The following PAK5 variants were observed in gnomAD, a reference collection of about 807,000 sequenced individuals.
PAK5 encodes the protein p21 (RAC1) activated kinase 5, also known as serine/threonine-protein kinase PAK 5.
Under a neutral mutation model 65.9 loss-of-function variants are expected in PAK5, and 16 were observed. That is an observed-to-expected ratio of 0.24 (90% CI 0.16 to 0.37). The LOEUF (loss-of-function observed/expected upper bound fraction) is 0.37. PAK5 is among the 10% of genes least tolerant of loss of function. The pLI is 1.00. For missense variants in PAK5, 785 were observed against 903.9 expected (o/e 0.87, Z 1.69); for synonymous variants, 371 against 354.9 (o/e 1.05, Z -0.51).
At chr20:9,704,137 A>G (rs2047975967) in intron 2 of PAK5, among the ~76,000 whole-genome samples, 1 of 152,104 alleles carries the variant, frequency 6.6e-6, no homozygotes, top group Admixed American at 6.5e-5. Context: ...GAAACAGAAG[A>G]TTTTACAAAG....
At chr20:9,772,914 C>G (rs1049260317) in intron 1 of PAK5, among the ~76,000 whole-genome samples, 1 of 152,154 alleles carries the variant, frequency 6.6e-6, no homozygotes, top group African/African-American at 2.4e-5. Context: ...GAAAAATATT[C>G]CAACTTCCTC....
At chr20:9,723,036 T>C (rs968331430) in intron 1 of PAK5, among the ~76,000 whole-genome samples, 2 of 152,110 alleles carry the variant, frequency 1.3e-5, no homozygotes, top group African/African-American at 2.4e-5. Flanking sequence ...CTGGTGTCTG[T>C]TGGAAGATTT....
chr20:9,556,167 T>C (rs2045503055), intron 7 of PAK5, among the ~76,000 whole-genome samples: 1 of 152,212 alleles, frequency 6.6e-6, no homozygotes, highest in Non-Finnish European at 1.5e-5. Flanking sequence ...GTACCGTTCT[T>C]TCTTAAGAGA....
At position 9,545,187 on chromosome 20, in the gene PAK5, G is replaced by A. The variant is rs150260818; in HGVS notation, c.1744-693C>T. Among the ~76,000 whole-genome samples, 6 of 152,242 alleles carry A rather than the reference G, an allele frequency of 3.9e-5. No individual in the cohort carries two copies. In the East Asian group the frequency reaches 1.2e-3, roughly 29 times the overall value. ...TTAAGGTGGTCATCCTAAGGGCTCA[G>A]TGTATATACATGTTATTTACCTTAG... is the stretch of plus-strand genomic sequence containing the variant. On this transcript the variant is annotated intron_variant, in intron 7 of 9. Transcript: ENST00000353224.
At chr20:9,661,621 T>A (rs8124197) in intron 2 of PAK5, among the ~76,000 whole-genome samples, 1 of 151,914 alleles carries the variant, frequency 6.6e-6, no homozygotes, top group Non-Finnish European at 1.5e-5. Flanking sequence ...CCACCTCTCA[T>A]AACTGGTCTT....
chr20:9,782,914 C>CTCTT (rs1209190147), intron 1 of PAK5, among the ~76,000 whole-genome samples: 6 of 149,542 alleles, frequency 4.0e-5, no homozygotes, highest in Non-Finnish European at 8.9e-5. Context: ...TTTCTTTTTT[C>CTCTT]TCTTTCTTTC....
At position 9,764,451 on chromosome 20, in the gene PAK5, CT is replaced by C. The variant is rs34052488; in HGVS notation, c.-161-53017del. Among the ~76,000 whole-genome samples the C allele has an allele frequency of 3.8e-3, 581 of 152,282 alleles. 3 individuals carry two copies. The highest frequency in any genetic ancestry group is 0.013 in the African/African-American group (544 of 41,568). ...CCAAATCTCTCCATTTTAATGCTAC[CT>C]TTTCCCCTTTGTAAGTAATAAATGT... On this transcript the variant is annotated intron_variant, in intron 1 of 9. Transcript: ENST00000353224.
intron 3 of PAK5, among the ~76,000 whole-genome samples, chr20:9,596,019 A>G (rs2046257543): frequency 6.6e-6 from 1 of 152,136 alleles, no homozygotes; most frequent in Non-Finnish European, 1.5e-5. Context: ...CTTGGCCTTC[A>G]CTGTTGAACT....
chr20:9,823,884 T>C (rs2049453796), intron 1 of PAK5, among the ~76,000 whole-genome samples: 1 of 149,226 alleles, frequency 6.7e-6, no homozygotes, highest in Non-Finnish European at 1.5e-5. Context: ...GAAAATACTT[T>C]TTACCTTTTT....
intron 3 of PAK5, among the ~76,000 whole-genome samples, chr20:9,635,021 A>G (rs1174212907): frequency 1.3e-5 from 2 of 152,198 alleles, no homozygotes; most frequent in African/African-American, 4.8e-5. Flanking sequence ...GTTCTTCTGA[A>G]GTGGCATTTT....
At chr20:9,736,516 C>T (rs112588831) in intron 1 of PAK5, among the ~76,000 whole-genome samples, 3,705 of 152,256 alleles carry the variant, frequency 0.024, 78 homozygotes, top group Non-Finnish European at 0.036. Context: ...TAAGTGACCT[C>T]AAGCCCAGTC....
intron 2 of PAK5, among the ~76,000 whole-genome samples, chr20:9,672,519 TA>T (rs1415628941): frequency 6.6e-6 from 1 of 151,694 alleles, no homozygotes; most frequent in Non-Finnish European, 1.5e-5. Flanking sequence ...CATGGTTTTA[TA>T]AAGGGGAGTT....
At chr20:9,699,855 C>T (rs2047917653) in intron 2 of PAK5, among the ~76,000 whole-genome samples, 1 of 152,090 alleles carries the variant, frequency 6.6e-6, no homozygotes, top group Non-Finnish European at 1.5e-5. Flanking sequence ...AAGGGTGGAC[C>T]TTCAAGCACC....
chr20:9,725,502 A>G (rs561034234), intron 1 of PAK5, among the ~76,000 whole-genome samples: 50 of 152,314 alleles, frequency 3.3e-4, no homozygotes, highest in South Asian at 1.4e-3. Context: ...AATTATTCTT[A>G]TATCAAGAAG....
chr20:9,764,689 G>A (rs1345745533), intron 1 of PAK5, among the ~76,000 whole-genome samples: 1 of 152,096 alleles, frequency 6.6e-6, no homozygotes, highest in Non-Finnish European at 1.5e-5. Flanking sequence ...TCTTCATTAG[G>A]ATTGATCTTG....
intron 9 of PAK5, among the ~76,000 whole-genome samples, chr20:9,541,145 G>A (rs2045256325): frequency 6.6e-6 from 1 of 152,116 alleles, no homozygotes; most frequent in African/African-American, 2.4e-5. Flanking sequence ...TACTGGGGCT[G>A]TTCCCTAAGA....
At chr20:9,771,227 T>A (rs2048828732) in intron 1 of PAK5, among the ~76,000 whole-genome samples, 1 of 152,100 alleles carries the variant, frequency 6.6e-6, no homozygotes, top group African/African-American at 2.4e-5. Context: ...AGATAAGATA[T>A]TTTGACTCAC....
intron 2 of PAK5, among the ~76,000 whole-genome samples, chr20:9,658,994 C>T (rs1162472956): frequency 6.6e-6 from 1 of 152,082 alleles, no homozygotes; most frequent in Non-Finnish European, 1.5e-5. Context: ...AGCTACATGT[C>T]CCACCAACAG....
intron 1 of PAK5, among the ~76,000 whole-genome samples, chr20:9,835,085 T>C (rs1030211692): frequency 2.6e-5 from 4 of 152,202 alleles, no homozygotes; most frequent in Admixed American, 2.6e-4. Context: ...AATTGCTCTT[T>C]CTATACTAGA....
Sources: gnomAD v4.1 joint callset for allele counts (sites outside exome capture counted in the v4.1 genomes callset) on GRCh38, gnomAD v4.1.1 for gene constraint, MANE v1.5 for transcripts, NCBI Gene and HGNC (gene_info 2026-07-23, HGNC 2026-07-21) for gene names.